BLM: variants seen among roughly 807,000 people sequenced by gnomAD.
The protein encoded by BLM is BLM RecQ like helicase, also known as recQ-like DNA helicase BLM.
BLM carries 95 observed loss-of-function variants against 135.3 expected under a neutral mutation model. That is an observed-to-expected ratio of 0.70 (90% CI 0.59 to 0.83). The LOEUF (loss-of-function observed/expected upper bound fraction) is 0.83. Ranked by LOEUF, BLM falls within the 40% of genes least tolerant of loss-of-function variation. BLM has a pLI of 0.00. For synonymous variants in BLM, 520 were observed against 589.2 expected (o/e 0.88, Z 1.70); for missense variants, 1,518 against 1,663.9 (o/e 0.91, Z 1.53).
intron 12 of BLM, among the ~76,000 whole-genome samples, chr15:90,774,650 A>G (rs1232226660): frequency 6.6e-6 from 1 of 151,744 alleles, no homozygotes; most frequent in East Asian, 2.0e-4. Context: ...CCTGGCCAAC[A>G]TGGTGAAACC....
chr15:90,778,385 C>T (rs1896532280), intron 12 of BLM, among the ~76,000 whole-genome samples: 1 of 152,234 alleles, frequency 6.6e-6, no homozygotes, highest in African/African-American at 2.4e-5. Context: ...GTATAATCCA[C>T]ATACCATACA....
At chr15:90,735,267 A>ATATATATATATATATG (rs1895183033) in intron 1 of BLM, among the ~76,000 whole-genome samples, 1 of 134,966 alleles carries the variant, frequency 7.4e-6, no homozygotes, top group African/African-American at 2.7e-5. Flanking sequence ...ATATATATAT[A>ATATATATATATATATG]TATATTTAAG....
chr15:90,766,854 G>A (rs1896141590), intron 9 of BLM, 56 bp from the exon 10 acceptor site: 6 of 1,112,554 alleles, frequency 5.4e-6, no homozygotes, highest in Non-Finnish European at 6.8e-6. Context: ...AAGGACAAAT[G>A]TAATTTTGTC....
chr15:90,800,140 TA>T (rs1897130157), intron 17 of BLM, among the ~76,000 whole-genome samples: 1 of 152,190 alleles, frequency 6.6e-6, no homozygotes, highest in Admixed American at 6.5e-5. Context: ...CTGCTCAAAA[TA>T]ATTTTTATGC....
intron 2 of BLM, among the ~76,000 whole-genome samples, chr15:90,748,575 G>T (rs1480951394): frequency 6.6e-6 from 1 of 151,892 alleles, no homozygotes; most frequent in African/African-American, 2.4e-5. Flanking sequence ...CTTTGTTCTG[G>T]GTGCCTGGCT....
intron 16 of BLM, among the ~76,000 whole-genome samples, chr15:90,795,586 TCTC>T (rs1478174325): frequency 3.0e-4 from 45 of 152,130 alleles, no homozygotes; most frequent in Non-Finnish European, 6.2e-4. Flanking sequence ...ATTCATGCCA[TCTC>T]CTCCCACCCC....
intron 21 of BLM, among the ~76,000 whole-genome samples, chr15:90,811,948 G>A (rs1374763891): frequency 3.3e-5 from 5 of 152,260 alleles, no homozygotes; most frequent in Middle Eastern, 3.4e-3. Context: ...GTGAGCCACC[G>A]CACTCAGCCT....
At chr15:90,756,462 C>T (rs531892113) in intron 5 of BLM, among the ~76,000 whole-genome samples, 58 of 152,266 alleles carry the variant, frequency 3.8e-4, no homozygotes, top group Admixed American at 2.0e-3. Flanking sequence ...GGTACAGGAG[C>T]GTTAAATAGT....
rs369583279 is a variant in BLM, at chr15:90,754,905, G to T, written c.1054G>T (p.Glu352Ter). 1 of 1,613,884 alleles carries T rather than the reference G, an allele frequency of 6.2e-7. No individual in the cohort carries two copies. Among genetic ancestry groups the T allele is most frequent in the African/African-American group, 1.3e-5 (1 of 75,002 alleles). The stretch of plus-strand genomic sequence containing the variant: ...AAAACCTGAGAAAATGAGTATGCAG[G>T]AGCTGAATCCAGAAACCAGCACAGA... Reference protein sequence around the residue: ...LSKPEKMSMQELNPETSTDCD... With the variant: ...LSKPEKMSMQ The change falls in exon 5 of 22, where the codon GAG (glutamate) becomes TAG (stop). Residue 352 changes from glutamate (E) to a stop codon, truncating the protein, a stop_gained. Transcript: ENST00000355112. LOFTEE classifies it high-confidence loss of function.
intron 21 of BLM, among the ~76,000 whole-genome samples, chr15:90,813,781 C>G (rs1037193118): frequency 3.9e-5 from 6 of 152,308 alleles, no homozygotes; most frequent in African/African-American, 1.4e-4. Context: ...GCTCCACTCT[C>G]CTTTCCACCG....
At chr15:90,781,462 T>TA (rs1310035792) in intron 12 of BLM, among the ~76,000 whole-genome samples, 1 of 152,008 alleles carries the variant, frequency 6.6e-6, no homozygotes, top group Non-Finnish European at 1.5e-5. Flanking sequence ...CCATCTCTAC[T>TA]AAAAATAACA....
At chr15:90,739,120 G>T (rs1213725204) in intron 1 of BLM, among the ~76,000 whole-genome samples, 1 of 152,140 alleles carries the variant, frequency 6.6e-6, no homozygotes, top group Non-Finnish European at 1.5e-5. Flanking sequence ...GAGCGGCCAG[G>T]CGCGGTGGCT....
intron 12 of BLM, among the ~76,000 whole-genome samples, 154 bp downstream of exon 12, chr15:90,769,740 C>T (rs931831747): frequency 5.8e-5 from 7 of 121,262 alleles, no homozygotes; most frequent in East Asian, 2.7e-4. Context: ...TAAATCAGAA[C>T]GTTTGGGGCT....
rs1596237848 is a variant in BLM, at chr15:90,768,845, C to T, written c.2308-288C>T. On this transcript the variant is annotated intron_variant, in intron 10 of 21. Transcript: ENST00000355112. ...AGTTCAAGCGATTCTCCTGCCTCAG[C>T]CTTCCTGAGTAGCTGGGATTACAGG... Among the ~76,000 whole-genome samples the T allele has an allele frequency of 2.6e-5, 4 of 152,276 alleles. No individual in the cohort carries two copies. The South Asian group carries it at 6.2e-4, about 24-fold the overall frequency.
intron 14 of BLM, among the ~76,000 whole-genome samples, chr15:90,789,733 A>G (rs547589923): frequency 1.3e-5 from 2 of 152,244 alleles, no homozygotes; most frequent in African/African-American, 4.8e-5. Context: ...TGCCTGCCAG[A>G]TATTTCAGAT....
chr15:90,723,444 A>G (rs1894823212), intron 1 of BLM, among the ~76,000 whole-genome samples: 1 of 151,662 alleles, frequency 6.6e-6, no homozygotes, highest in South Asian at 2.1e-4. Context: ...TCTTGAGGCC[A>G]GGAGTTCAAG....
chr15:90,744,788 A>G (rs926703280), intron 1 of BLM, among the ~76,000 whole-genome samples: 2 of 151,938 alleles, frequency 1.3e-5, no homozygotes, highest in African/African-American at 2.4e-5. Context: ...GGTGGCTCAC[A>G]CCTGCAATCC....
At chr15:90,774,285 T>A (rs1896411124) in intron 12 of BLM, among the ~76,000 whole-genome samples, 2 of 151,148 alleles carry the variant, frequency 1.3e-5, no homozygotes, top group South Asian at 4.2e-4. Context: ...TTGGCCAGGC[T>A]GTTCTCAAAC....
Position 90,750,021 on chromosome 15 carries a change from T to A in BLM, c.753T>A (p.Asp251Glu). 6.2e-7 allele frequency: 1 copy of A among 1,614,214 alleles called. No individual in the cohort carries two copies. The highest frequency in any genetic ancestry group is 8.5e-7 in the Non-Finnish European group (1 of 1,180,042). ...TTGCTGAAGTGCATATAAATGAAGA[T>A]GCTCAGGAAAGTGACTCTCTGAAAA... Reference protein sequence around the residue: ...GPIAEVHINEDAQESDSLKTH... With the variant: ...GPIAEVHINEEAQESDSLKTH... Residue 251 changes from aspartate to glutamate, a missense_variant, in exon 3 of 22, where the codon GAT (aspartate) becomes GAA (glutamate). By Grantham distance (45) the Asp-to-Glu change is conservative. This residue lies in a region of BLM where 724 missense variants were observed against 756.9 expected (regional missense o/e 0.96). Transcript: ENST00000355112.
Sources: gnomAD v4.1 joint callset for allele counts (sites outside exome capture counted in the v4.1 genomes callset) on GRCh38, gnomAD v4.1.1 for gene constraint, gnomAD v4.1.1 regional missense constraint, MANE v1.5 for transcripts, NCBI Gene and HGNC (gene_info 2026-07-23, HGNC 2026-07-21) for gene names.